FAP: variants seen among roughly 807,000 people sequenced by gnomAD.
The protein encoded by FAP is fibroblast activation protein alpha.
In FAP, 110 loss-of-function variants were observed where a neutral mutation model predicts 126.5. The observed-to-expected ratio is 0.87, with a 90% confidence interval of 0.74 to 1.02. The LOEUF is 1.02. Among genes scored for constraint, FAP ranks in the 50% least tolerant of loss-of-function variants. FAP has a pLI of 0.00. For missense variants in FAP, 919 were observed against 909.2 expected (o/e 1.01, Z -0.14); for synonymous variants, 334 against 297.3 (o/e 1.12, Z -1.27).
At chr2:162,188,047 G>C (rs1318281801) in intron 20 of FAP, 122 bp downstream of exon 20, 1 of 807,464 alleles carries the variant, frequency 1.2e-6, no homozygotes, top group Non-Finnish European at 2.0e-6. Flanking sequence ...ATTAGTGATA[G>C]TTTTAGACCA....
intron 2 of FAP, among the ~76,000 whole-genome samples, chr2:162,234,564 A>G (rs1337489065): frequency 6.6e-6 from 1 of 152,122 alleles, no homozygotes; most frequent in Non-Finnish European, 1.5e-5. Context: ...TGGATACTTT[A>G]TATATTTTTT....
intron 12 of FAP, among the ~76,000 whole-genome samples, chr2:162,208,728 A>G (rs1688805554): frequency 6.6e-6 from 1 of 152,130 alleles, no homozygotes; most frequent in African/African-American, 2.4e-5. Context: ...TTAAGAATAC[A>G]TAAAATTTAG....
intron 2 of FAP, 103 bp downstream of exon 2, chr2:162,242,805 T>A (rs1690404202): frequency 1.3e-6 from 1 of 795,070 alleles, no homozygotes; most frequent in Admixed American, 2.5e-5. Flanking sequence ...AGACTTACTT[T>A]GGAACATAAG....
Position 162,189,710 on chromosome 2 carries a change from T to C in FAP, c.1495A>G (p.Lys499Glu). The change falls in exon 18 of 26, where the codon AAA becomes GAA. Residue 499 changes from lysine to glutamate, a missense_variant. Physicochemically the swap from Lys to Glu is moderately conservative, Grantham distance 56. Coordinates refer to ENST00000188790, the MANE Select transcript of FAP (RefSeq NM_004460.5). The part of the protein sequence containing the change: ...EENKELENAL[K>E]NIQLPKEEIK... Reference sequence around the variant, plus strand: ...TCCTCTTTAGGCAGCTGGATATTTTTCAAAGCATTTTCCAATTCCTTGTTT... The same window carrying C: ...TCCTCTTTAGGCAGCTGGATATTTTCCAAAGCATTTTCCAATTCCTTGTTT... 1 of 1,594,104 alleles carries C rather than the reference T, an allele frequency of 6.3e-7. No individual in the cohort carries two copies. Among genetic ancestry groups the C allele is most frequent in the Non-Finnish European group, 8.6e-7 (1 of 1,167,944 alleles).
intron 15 of FAP, among the ~76,000 whole-genome samples, chr2:162,200,061 A>G (rs1376456586): frequency 6.6e-6 from 1 of 152,220 alleles, no homozygotes; most frequent in Non-Finnish European, 1.5e-5. Context: ...GCATGTAGTA[A>G]CTATTGCTTT....
chr2:162,193,903 T>C (rs1393906833), intron 17 of FAP: 2 of 152,148 alleles, frequency 1.3e-5, no homozygotes, highest in African/African-American at 4.8e-5. Context: ...CTGAAGAAAG[T>C]GGCATCTGCC....
At chr2:162,182,034 G>A (rs750394776) in intron 21 of FAP, among the ~76,000 whole-genome samples, 9 of 152,158 alleles carry the variant, frequency 5.9e-5, no homozygotes, top group Non-Finnish European at 1.3e-4. Context: ...AGCAATTGAC[G>A]GGTGGGGGTT....
intron 17 of FAP, among the ~76,000 whole-genome samples, chr2:162,191,339 T>C (rs1166545488): frequency 6.6e-6 from 1 of 152,112 alleles, no homozygotes; most frequent in Non-Finnish European, 1.5e-5. Flanking sequence ...GCATTTTTTA[T>C]GGATAGTGAC....
intron 21 of FAP, among the ~76,000 whole-genome samples, chr2:162,177,051 A>G (rs1341706184): frequency 2.0e-5 from 3 of 152,100 alleles, no homozygotes; most frequent in Non-Finnish European, 2.9e-5. Flanking sequence ...AAGAGGGGGA[A>G]AAAAGAAAAC....
rs765658150 is a variant in FAP at position 162,188,160 on chromosome 2, G to A, written c.1814+9C>T. The A allele has an allele frequency of 1.9e-6, 3 of 1,607,212 alleles. No individual in the cohort carries two copies. ...ATGTTGACATCTGCTTGAATGAGAA[G>A]GTGCTCACCTGACAGCTGTAATCTG... On this transcript the variant is annotated intron_variant, in intron 20 of 25. Transcript: ENST00000188790.
chr2:162,188,018 G>T, intron 20 of FAP, 151 bp downstream of exon 20: 10 of 596,878 alleles, frequency 1.7e-5, no homozygotes, highest in Middle Eastern at 3.4e-4. Context: ...TTCATATTTG[G>T]CAGAAATACC....
intron 4 of FAP, 144 bp downstream of exon 4, chr2:162,225,339 G>C (rs1257224360): frequency 1.0e-6 from 1 of 974,246 alleles, no homozygotes; most frequent in African/African-American, 1.7e-5. Context: ...GGGACTAGCA[G>C]ACAGAACGGG....
chr2:162,241,360 G>C lies in FAP; in HGVS notation c.91+1548C>G, dbSNP rs574734680. ...TAACTAAACTTGGAAAGAGGGTAGG[G>C]ATTGAGATTATATGTGATCACACAA... is the stretch of plus-strand genomic sequence containing the variant. On this transcript the variant is annotated intron_variant, in intron 2 of 25. Transcript: ENST00000188790. Among the ~76,000 whole-genome samples, 23 of 152,164 alleles carry C rather than the reference G, an allele frequency of 1.5e-4. No homozygotes were observed. The East Asian group carries it at 4.4e-3, about 29-fold the overall frequency.
intron 9 of FAP, among the ~76,000 whole-genome samples, chr2:162,217,136 G>A (rs559390570): frequency 6.6e-6 from 1 of 152,208 alleles, no homozygotes; most frequent in Admixed American, 6.5e-5. Context: ...TGGCCACTTT[G>A]GCTTGCTTAG....
intron 2 of FAP, among the ~76,000 whole-genome samples, chr2:162,235,019 G>A (rs1690056439): frequency 6.6e-6 from 1 of 152,136 alleles, no homozygotes; most frequent in African/African-American, 2.4e-5. Context: ...GGGTCCCCTA[G>A]CAGTGCTGGC....
intron 6 of FAP, among the ~76,000 whole-genome samples, chr2:162,221,411 G>C (rs1405585397): frequency 6.6e-6 from 1 of 151,916 alleles, no homozygotes; most frequent in East Asian, 1.9e-4. Flanking sequence ...TGTAATCCTA[G>C]CTACTTAGGA....
intron 2 of FAP, among the ~76,000 whole-genome samples, chr2:162,235,940 A>G (rs1430067175): frequency 6.6e-6 from 1 of 152,054 alleles, no homozygotes; most frequent in East Asian, 1.9e-4. Flanking sequence ...GATGTTAACT[A>G]TGGTTTTTTT....
chr2:162,195,050 A>C, intron 16 of FAP: 2 of 380,056 alleles, frequency 5.3e-6, no homozygotes, highest in African/African-American at 2.0e-5. Context: ...GCAGTGACAA[A>C]TGGCCTTCTG....
intron 4 of FAP, among the ~76,000 whole-genome samples, chr2:162,224,741 A>C (rs1370287812): frequency 1.3e-5 from 2 of 152,184 alleles, no homozygotes; most frequent in Non-Finnish European, 2.9e-5. Context: ...GCAAGAGATA[A>C]TATATACTTT....
Sources: allele counts gnomAD v4.1 joint callset (sites outside exome capture counted in the v4.1 genomes callset), GRCh38; gene constraint gnomAD v4.1.1; transcripts MANE v1.5; gene names NCBI Gene and HGNC (gene_info 2026-07-23, HGNC 2026-07-21).